AGBL4: variants seen among roughly 807,000 people sequenced by gnomAD.
The protein encoded by AGBL4 is AGBL carboxypeptidase 4.
A neutral mutation model predicts 66.4 loss-of-function variants in AGBL4; 58 were observed. The observed-to-expected ratio is 0.87, with a 90% confidence interval of 0.71 to 1.09. The LOEUF (loss-of-function observed/expected upper bound fraction) is 1.09, where lower values mean the gene tolerates loss of function less well. AGBL4 is among the 50% of genes least tolerant of loss of function. The pLI is 0.00. For missense variants in AGBL4, 579 were observed against 631.0 expected (o/e 0.92, Z 0.88); for synonymous variants, 234 against 222.9 (o/e 1.05, Z -0.44).
At chr1:49,083,250 G>A (rs752059895) in intron 4 of AGBL4, among the ~76,000 whole-genome samples, 8 of 152,172 alleles carry the variant, frequency 5.3e-5, no homozygotes, top group Non-Finnish European at 7.4e-5. Flanking sequence ...TGTCCCAGTG[G>A]GGACTCTGCG....
chr1:49,648,838 A>C (rs1645944600), intron 3 of AGBL4, among the ~76,000 whole-genome samples: 1 of 152,110 alleles, frequency 6.6e-6, no homozygotes, highest in African/African-American at 2.4e-5. Flanking sequence ...CTGTCTTGAA[A>C]GAAATGTTAA....
chr1:49,696,112 AAAGT>A (rs1185199441), intron 3 of AGBL4, among the ~76,000 whole-genome samples: 4 of 152,288 alleles, frequency 2.6e-5, no homozygotes, highest in Admixed American at 2.6e-4. Context: ...AAGACAACAT[AAAGT>A]AAGAAGGTAG....
chr1:48,799,268 G>A (rs1253700993), intron 6 of AGBL4, among the ~76,000 whole-genome samples: 1 of 152,094 alleles, frequency 6.6e-6, no homozygotes, highest in Non-Finnish European at 1.5e-5. Flanking sequence ...TGTAAAAGGG[G>A]TTGAGTTCTT....
intron 2 of AGBL4, among the ~76,000 whole-genome samples, chr1:49,798,418 A>T (rs577247273): frequency 7.3e-4 from 111 of 152,272 alleles, no homozygotes; most frequent in African/African-American, 2.4e-3. Context: ...TTGCCAGAAT[A>T]TTTCATTTAC....
In AGBL4 at chr1:49,430,055, C is replaced by T. The variant is rs143803947; in HGVS notation, c.283-184191G>A. On this transcript the variant is annotated intron_variant, in intron 3 of 13. Coordinates refer to ENST00000371839, the MANE Select transcript of AGBL4 (RefSeq NM_032785.4). ...AAAGATGAGGTTTCACCATGCTGCC[C>T]AGGCTGGTCTCAAACTCAAACTCCT... Among the ~76,000 whole-genome samples, 514 of 152,066 alleles carry T rather than the reference C, an allele frequency of 3.4e-3. 1 individual carries two copies. The highest frequency in any genetic ancestry group is 0.012 in the African/African-American group (484 of 41,472).
intron 5 of AGBL4, among the ~76,000 whole-genome samples, chr1:48,905,174 C>T (rs947998550): frequency 6.6e-6 from 1 of 152,162 alleles, no homozygotes; most frequent in Non-Finnish European, 1.5e-5. Context: ...CTGTCCTTTT[C>T]AAGGGCCCTC....
At chr1:49,762,073 A>T (rs772633974) in intron 2 of AGBL4, among the ~76,000 whole-genome samples, 4 of 152,168 alleles carry the variant, frequency 2.6e-5, no homozygotes, top group Non-Finnish European at 5.9e-5. Flanking sequence ...TACCAATTTC[A>T]TCTCCTTTGG....
intron 3 of AGBL4, among the ~76,000 whole-genome samples, chr1:49,370,426 T>C (rs965819865): frequency 3.9e-5 from 6 of 152,196 alleles, no homozygotes; most frequent in Middle Eastern, 3.4e-3. Context: ...TTGAGCTGAA[T>C]TCCTTCATCT....
chr1:49,670,997 A>G (rs958558091), intron 3 of AGBL4, among the ~76,000 whole-genome samples: 1 of 152,214 alleles, frequency 6.6e-6, no homozygotes, highest in African/African-American at 2.4e-5. Flanking sequence ...TTTAAATTCT[A>G]TATGGAACCA....
chr1:48,989,385 C>T (rs1327441463), intron 5 of AGBL4, among the ~76,000 whole-genome samples: 1 of 152,016 alleles, frequency 6.6e-6, no homozygotes, highest in African/African-American at 2.4e-5. Context: ...TTCAATTATA[C>T]TTTTTAAGTT....
rs376445223 is a variant in AGBL4, at chr1:49,421,293, C to T, written c.283-175429G>A. 3.4e-4 allele frequency among the ~76,000 whole-genome samples: 51 copies of T among 152,096 alleles called. 1 individual carries two copies. The South Asian group carries it at 9.7e-3, about 29-fold the overall frequency. ...GATTTCAAGCCAAGCACACAGTAGT[C>T]TCCCTGAGGATACAGGAATGAAAAA... On this transcript the variant is annotated intron_variant, in intron 3 of 13. Coordinates refer to ENST00000371839, the MANE Select transcript of AGBL4 (RefSeq NM_032785.4).
chr1:49,828,253 T>C (rs1440716350), intron 2 of AGBL4, among the ~76,000 whole-genome samples: 3 of 152,144 alleles, frequency 2.0e-5, no homozygotes, highest in Non-Finnish European at 4.4e-5. Context: ...ATAGAGCAAA[T>C]AGACAAAGTA....
At chr1:49,530,165 A>C (rs1167524224) in intron 3 of AGBL4, among the ~76,000 whole-genome samples, 2 of 148,718 alleles carry the variant, frequency 1.3e-5, no homozygotes, top group African/African-American at 5.0e-5. Flanking sequence ...CGTCATGATC[A>C]TTGTTATCAT....
At chr1:48,920,776 A>G (rs552279630) in intron 5 of AGBL4, among the ~76,000 whole-genome samples, 2 of 152,322 alleles carry the variant, frequency 1.3e-5, no homozygotes, top group South Asian at 4.1e-4. Context: ...AGATAGGCCA[A>G]CTGACTAAGA....
At chr1:48,757,251 A>G (rs1403272925) in intron 6 of AGBL4, among the ~76,000 whole-genome samples, 1 of 152,204 alleles carries the variant, frequency 6.6e-6, no homozygotes, top group Non-Finnish European at 1.5e-5. Flanking sequence ...TCACTTTAAG[A>G]TTGGGAAACA....
intron 3 of AGBL4, among the ~76,000 whole-genome samples, chr1:49,281,926 G>A (rs1644280769): frequency 6.6e-6 from 1 of 152,212 alleles, no homozygotes; most frequent in Admixed American, 6.5e-5. Context: ...AATTAATGAA[G>A]CCTGAGGAAG....
intron 1 of AGBL4, among the ~76,000 whole-genome samples, chr1:50,000,836 T>C (rs904267224): frequency 4.6e-5 from 7 of 152,082 alleles, no homozygotes; most frequent in Admixed American, 4.6e-4. Context: ...TGTGTTCTCA[T>C]TCATAAGTAG....
chr1:49,694,762 C>T (rs1646953073), intron 3 of AGBL4, among the ~76,000 whole-genome samples: 1 of 152,084 alleles, frequency 6.6e-6, no homozygotes, highest in Non-Finnish European at 1.5e-5. Context: ...ACAAAAAGAA[C>T]ATCCTCGTAA....
intron 1 of AGBL4, among the ~76,000 whole-genome samples, chr1:49,899,465 A>C (rs1032413605): frequency 1.3e-5 from 2 of 151,920 alleles, no homozygotes; most frequent in African/African-American, 4.8e-5. Context: ...TACACTTTAC[A>C]TGCCTGTATC....
Sources: gnomAD v4.1 joint callset for allele counts (sites outside exome capture counted in the v4.1 genomes callset) on GRCh38, gnomAD v4.1.1 for gene constraint, MANE v1.5 for transcripts, NCBI Gene and HGNC (gene_info 2026-07-23, HGNC 2026-07-21) for gene names.